Variants in PTPRD observed in about 807,000 individuals in gnomAD.
PTPRD encodes the protein receptor-type tyrosine-protein phosphatase delta.
A neutral mutation model predicts 214.5 loss-of-function variants in PTPRD; 34 were observed. The observed-to-expected ratio is 0.16, with a 90% CI of 0.12 to 0.21. The LOEUF is 0.21. PTPRD is among the 10% of genes least tolerant of loss of function. The pLI is 1.00. For missense variants in PTPRD, 2,545 were observed against 2,398.7 expected (o/e 1.06, Z -1.27); for synonymous variants, 1,128 against 845.7 (o/e 1.33, Z -5.79).
intron 3 of PTPRD, among the ~76,000 whole-genome samples, chr9:10,274,877 C>A (rs2094594091): frequency 1.3e-5 from 2 of 152,082 alleles, no homozygotes; most frequent in Non-Finnish European, 2.9e-5. Flanking sequence ...AATGTGCCCT[C>A]AGGAATAATG....
chr9:10,516,982 T>C (rs1021300169), intron 2 of PTPRD, among the ~76,000 whole-genome samples: 15 of 152,154 alleles, frequency 9.9e-5, no homozygotes, highest in Admixed American at 6.5e-4. Context: ...AGCTTTGTCA[T>C]ATATTTTGAA....
rs546632770 is a variant in PTPRD, at chr9:8,738,383, C to CTAT, written c.-103-4438_-103-4437insATA. 6.0e-4 allele frequency among the ~76,000 whole-genome samples: 89 copies of CTAT among 148,594 alleles called. 1 individual carries two copies. The highest frequency in any genetic ancestry group is 2.3e-3 in the African/African-American group (87 of 38,180). ...TGTACTATTTTTTCAGCTTTCTATA[C>CTAT]TGTTATTTGTGTCTAAATACTGTAT... On this transcript the variant is annotated intron_variant, in intron 11 of 45. Transcript: ENST00000381196.
chr9:9,391,053 G>T (rs887770078), intron 9 of PTPRD, among the ~76,000 whole-genome samples: 2 of 152,150 alleles, frequency 1.3e-5, no homozygotes, highest in Non-Finnish European at 2.9e-5. Context: ...ATAAGAGACT[G>T]CATTAAGTGC....
At position 8,436,576 on chromosome 9, in the gene PTPRD, A is replaced by C; in HGVS notation, c.4086+16T>G. 1 of 1,575,590 alleles carries C rather than the reference A, an allele frequency of 6.3e-7. No individual in the cohort carries two copies. The highest frequency in any genetic ancestry group is 8.7e-7 in the Non-Finnish European group (1 of 1,145,844). ...AACTCTTGAAATTACTGTAAAGAAT[A>C]AACACAGTGAATTACCTCATATTCC... On this transcript the variant is annotated intron_variant, in intron 35 of 45. Coordinates refer to ENST00000381196, the MANE Select transcript of PTPRD (RefSeq NM_002839.4).
At chr9:9,186,335 T>C (rs998265320) in intron 9 of PTPRD, among the ~76,000 whole-genome samples, 3 of 152,220 alleles carry the variant, frequency 2.0e-5, no homozygotes, top group Middle Eastern at 3.4e-3. Context: ...CTGAAGTTCA[T>C]AACTTTAAAG....
intron 7 of PTPRD, among the ~76,000 whole-genome samples, chr9:9,599,132 T>C (rs1258799356): frequency 6.6e-6 from 1 of 152,072 alleles, no homozygotes; most frequent in Non-Finnish European, 1.5e-5. Flanking sequence ...TAAATGAATA[T>C]AATTATTACT....
At chr9:9,762,965 C>G (rs977424925) in intron 6 of PTPRD, among the ~76,000 whole-genome samples, 4 of 152,166 alleles carry the variant, frequency 2.6e-5, no homozygotes, top group Admixed American at 2.6e-4. Context: ...TGAAGCTCTT[C>G]TCTTGGCTTG....
intron 9 of PTPRD, among the ~76,000 whole-genome samples, chr9:9,336,476 T>C (rs1433338261): frequency 6.6e-6 from 1 of 152,132 alleles, no homozygotes; most frequent in African/African-American, 2.4e-5. Flanking sequence ...GTGGACAGGC[T>C]GGCTACATAG....
chr9:9,300,414 G>A lies in PTPRD; in HGVS notation c.-203+97035C>T, dbSNP rs74634580. Among the ~76,000 whole-genome samples the A allele has an allele frequency of 3.6e-3, 551 of 151,654 alleles. 6 individuals carry two copies. The highest frequency in any genetic ancestry group is 0.013 in the African/African-American group (533 of 41,412). On this transcript the variant is annotated intron_variant, in intron 9 of 45. Transcript: ENST00000381196. ...ATGCTGCAATCTCTTTTTAGACAGC[G>A]CCTCTTCATCATTATGATCTCTGTC...
At chr9:9,310,631 T>C (rs1253499629) in intron 9 of PTPRD, among the ~76,000 whole-genome samples, 3 of 152,086 alleles carry the variant, frequency 2.0e-5, no homozygotes. Context: ...TAATCTCACA[T>C]TCTGGGCCAG....
intron 7 of PTPRD, among the ~76,000 whole-genome samples, chr9:9,616,935 T>C (rs1471512067): frequency 1.3e-5 from 2 of 152,176 alleles, no homozygotes; most frequent in African/African-American, 4.8e-5. Flanking sequence ...CTTCCAATTA[T>C]GGTCAATTTT....
At chr9:9,696,861 G>C (rs1036429174) in intron 7 of PTPRD, among the ~76,000 whole-genome samples, 2 of 151,984 alleles carry the variant, frequency 1.3e-5, no homozygotes, top group Non-Finnish European at 2.9e-5. Context: ...CTTTCTGGTT[G>C]TTTTACAAAT....
intron 10 of PTPRD, among the ~76,000 whole-genome samples, chr9:9,170,964 C>T (rs942476243): frequency 6.6e-6 from 1 of 152,130 alleles, no homozygotes; most frequent in Non-Finnish European, 1.5e-5. Flanking sequence ...CGAAGTGAAA[C>T]TTGATGTGGG....
intron 10 of PTPRD, among the ~76,000 whole-genome samples, chr9:9,071,883 T>A (rs923422902): frequency 6.6e-6 from 1 of 152,304 alleles, no homozygotes; most frequent in African/African-American, 2.4e-5. Flanking sequence ...AGTGGAGTAT[T>A]TCCCCGTCAT....
At chr9:9,021,258 C>T (rs1169884937) in intron 10 of PTPRD, among the ~76,000 whole-genome samples, 5 of 152,002 alleles carry the variant, frequency 3.3e-5, no homozygotes, top group Non-Finnish European at 5.9e-5. Context: ...ACAGTGGTTT[C>T]GTAAGCTTAT....
chr9:10,155,239 TC>T (rs1286040841), intron 3 of PTPRD, among the ~76,000 whole-genome samples: 1 of 152,122 alleles, frequency 6.6e-6, no homozygotes, highest in African/African-American at 2.4e-5. Flanking sequence ...CTGATTTGGT[TC>T]TCAGTTTGAC....
chr9:10,277,231 C>A (rs1317966565), intron 3 of PTPRD, among the ~76,000 whole-genome samples: 1 of 143,196 alleles, frequency 7.0e-6, no homozygotes, highest in African/African-American at 2.5e-5. Flanking sequence ...TAAACATAAA[C>A]ATAAAACATA....
At chr9:9,654,084 G>C (rs919843917) in intron 7 of PTPRD, among the ~76,000 whole-genome samples, 1 of 151,984 alleles carries the variant, frequency 6.6e-6, no homozygotes, top group Non-Finnish European at 1.5e-5. Flanking sequence ...GAAAATAATG[G>C]GCTGGGTTCT....
At chr9:9,328,407 G>T (rs148823242) in intron 9 of PTPRD, among the ~76,000 whole-genome samples, 2,602 of 151,926 alleles carry the variant, frequency 0.017, 77 homozygotes, top group African/African-American at 0.06. Context: ...ACAGCTTAAT[G>T]AATTTTAAAG....
Sources: allele counts gnomAD v4.1 joint callset (sites outside exome capture counted in the v4.1 genomes callset), GRCh38; gene constraint gnomAD v4.1.1; transcripts MANE v1.5; gene names NCBI Gene and HGNC (gene_info 2026-07-23, HGNC 2026-07-21).